RTCA: variants seen among roughly 807,000 people sequenced by gnomAD.
RTCA encodes the protein RNA 3'-terminal phosphate cyclase, also known as RNA terminal phosphate cyclase domain 1.
Under a neutral mutation model 46.1 loss-of-function variants are expected in RTCA, and 37 were observed. The ratio of observed to expected loss-of-function variants is 0.80; its 90% CI spans 0.62 to 1.06. The LOEUF is 1.06. RTCA is among the 50% of genes least tolerant of loss of function. The pLI is 0.00. For synonymous variants in RTCA, 164 were observed against 158.3 expected, an observed-to-expected ratio of 1.04 and a Z score of -0.27; for missense variants, 435 against 455.5, an observed-to-expected ratio of 0.95 and a Z score of 0.41.
chr1:100,267,982 G>T (rs745429973), intron 2 of RTCA, 170 bp from the exon 3 acceptor site: 8 of 751,444 alleles, frequency 1.1e-5, no homozygotes, highest in Non-Finnish European at 1.5e-5. Context: ...ATACTAGCAG[G>T]TAGTCTAGGT....
rs577313663 is a variant in RTCA, at chr1:100,278,244, C to A, written c.799+928C>A. 1.4e-4 allele frequency among the ~76,000 whole-genome samples: 21 copies of A among 152,226 alleles called. No homozygotes were observed. In the South Asian group the frequency reaches 4.1e-3, roughly 30 times the overall value. ...AGCTTTCATCCAGTGGTTTTAACATCTATTGATGATTCTTCTCTGCATCAG... is the reference window on the plus strand; with the variant it reads ...AGCTTTCATCCAGTGGTTTTAACATATATTGATGATTCTTCTCTGCATCAG... On this transcript the variant is annotated intron_variant, in intron 8 of 10. Transcript: ENST00000370128.
In RTCA at chr1:100,273,421, G is replaced by C. The variant is rs1162467890; in HGVS notation, c.442G>C (p.Gly148Arg). The C allele has an allele frequency of 6.3e-7, 1 of 1,584,066 alleles. No homozygotes were observed. Among genetic ancestry groups the C allele is most frequent in the Middle Eastern group, 1.7e-4 (1 of 5,984 alleles). Residue 148 changes from glycine (G) to arginine (R), a missense_variant, in exon 5 of 11, where the codon GGT becomes CGT. By Grantham distance (125) the Gly-to-Arg change is moderately radical. Coordinates refer to ENST00000370128, the MANE Select transcript of RTCA (RefSeq NM_003729.4). ...MVFKPIVEKF[G>R]FIFNCDIKTR... Reference sequence around the variant, plus strand: ...CTTCAAGCCAATTGTTGAAAAATTTGGTTTCATATTTAATTGTGACATTAA... The same window carrying C: ...CTTCAAGCCAATTGTTGAAAAATTTCGTTTCATATTTAATTGTGACATTAA...
At chr1:100,268,927 G>A (rs113325666) in intron 3 of RTCA, among the ~76,000 whole-genome samples, 5,029 of 151,868 alleles carry the variant, frequency 0.033, 298 homozygotes, top group African/African-American at 0.12. Context: ...GGTGGCTCAC[G>A]CCTGTAGTCC....
At chr1:100,277,400 T>C in intron 8 of RTCA, 84 bp downstream of exon 8, 1 of 1,186,124 alleles carries the variant, frequency 8.4e-7, no homozygotes, top group Admixed American at 2.5e-5. Flanking sequence ...TATAGAATGA[T>C]GGATGAAAGT....
intron 10 of RTCA, among the ~76,000 whole-genome samples, chr1:100,289,410 G>A (rs922984307): frequency 2.6e-5 from 4 of 152,082 alleles, no homozygotes; most frequent in South Asian, 2.1e-4. Context: ...CCCAAATGCC[G>A]TGATTACAGC....
At chr1:100,271,466 TA>T (rs991310010) in intron 4 of RTCA, among the ~76,000 whole-genome samples, 10 of 151,748 alleles carry the variant, frequency 6.6e-5, no homozygotes, top group African/African-American at 2.4e-4. Flanking sequence ...ATGCTGTCTT[TA>T]AAAAAACAAA....
In RTCA at chr1:100,266,243, G is replaced by A. The variant is rs1171384165; in HGVS notation, c.-133G>A. ...TGTCCCGAGAGGCGCCGCTTCTTCC[G>A]CTTTCTCGTCAGGCTCCTGCGCCCC... On this transcript the variant is annotated 5_prime_UTR_variant, in exon 1 of 11. Transcript: ENST00000370128. 4.6e-6 allele frequency: 5 copies of A among 1,093,844 alleles called. No individual in the cohort carries two copies. In the Admixed American group the frequency reaches 1.1e-4, roughly 24 times the overall value. 67.8% of individuals were successfully genotyped at this position (1,093,844 alleles called of 1,614,324 possible).
rs1281034048 is a variant in RTCA, at chr1:100,266,288, T to C, written c.-88T>C. The C allele has an allele frequency of 3.9e-6, 6 of 1,536,532 alleles. No homozygotes were observed. Among genetic ancestry groups the C allele is most frequent in the Non-Finnish European group, 5.3e-6 (6 of 1,133,788 alleles). On this transcript the variant is annotated 5_prime_UTR_variant, in exon 1 of 11. It removes the in-frame stop codon of an upstream open reading frame in the 5' UTR. Transcript: ENST00000370128. ...CGCCCCAGGCATGAACCAAGGTTTC[T>C]GAACTACTGGGCGGGAGCCAACGTC...
At chr1:100,268,441 G>A in intron 3 of RTCA, 146 bp downstream of exon 3, 1 of 679,478 alleles carries the variant, frequency 1.5e-6, no homozygotes, top group Non-Finnish European at 2.4e-6. Context: ...TCTTGCCCAG[G>A]CGGGGGTGCA....
rs1458210198 is a variant in RTCA at position 100,292,037 on chromosome 1, ACT to A, written c.*534_*535del. 6.8e-6 allele frequency: 1 copy of A among 147,428 alleles called. No homozygotes were observed. Among genetic ancestry groups the A allele is most frequent in the Non-Finnish European group, 1.5e-5 (1 of 67,828 alleles). 9.1% of individuals were successfully genotyped at this position (147,428 alleles called of 1,614,324 possible). A position where few individuals can be genotyped will look rare whatever the true frequency, so the allele number is the denominator to read the frequency against. On this transcript the variant is annotated 3_prime_UTR_variant, in exon 11 of 11. Transcript: ENST00000370128. Reference sequence around the variant, plus strand: ...CTGCCTCCCGGGTTCAAGCAATTCTACTGCCTCAGCTTCCTGAGTAGTTGGTA... The same window carrying A: ...CTGCCTCCCGGGTTCAAGCAATTCTAGCCTCAGCTTCCTGAGTAGTTGGTA...
At chr1:100,266,706 C>G in intron 2 of RTCA, 82 bp downstream of exon 2, 1 of 1,206,480 alleles carries the variant, frequency 8.3e-7, no homozygotes, top group Non-Finnish European at 1.2e-6. Flanking sequence ...ATCGGGAGTC[C>G]GAGTGGTGGA....
chr1:100,283,922 T>TAAAAAAAAAAAAAAAAAAAAAAAAAA (rs562483681), intron 8 of RTCA, among the ~76,000 whole-genome samples: 2 of 11,382 alleles, frequency 1.8e-4, no homozygotes, highest in Non-Finnish European at 3.4e-4. Flanking sequence ...ACCTAGTCGC[T>TAAAAAAAAAAAAAAAAAAAAAAAAAA]AAAAAAAAAA....
Position 100,270,559 on chromosome 1 carries a change from G to A in RTCA, c.293G>A (p.Ser98Asn). The A allele has an allele frequency of 6.2e-7, 1 of 1,613,920 alleles. No individual in the cohort carries two copies. The highest frequency in any genetic ancestry group is 8.5e-7 in the Non-Finnish European group (1 of 1,179,896). ...AGCCCCTTCTGCCTTCTCCTTAGGA[G>A]TGTGTGCCTCTTGATGCAGGTCTCA... Reference protein sequence around the residue: ...IHTADTKTAGSVCLLMQVSMP... With the variant: ...IHTADTKTAGNVCLLMQVSMP... Residue 98 changes from serine to asparagine, a missense_variant and splice_region_variant, in exon 4 of 11, where the codon AGT becomes AAT. Transcript: ENST00000370128.
At chr1:100,290,955 A>G (rs1461491327) in intron 10 of RTCA, among the ~76,000 whole-genome samples, 2 of 152,198 alleles carry the variant, frequency 1.3e-5, no homozygotes, top group Non-Finnish European at 2.9e-5. Flanking sequence ...CGATATATAT[A>G]GGGAACTAAA....
intron 9 of RTCA, 66 bp downstream of exon 9, chr1:100,285,388 T>G (rs939362100): frequency 9.5e-7 from 1 of 1,052,396 alleles, no homozygotes; most frequent in Non-Finnish European, 1.5e-6. Flanking sequence ...AGATTGAATA[T>G]CAATTTAAAT....
In RTCA at chr1:100,270,769, T is replaced by C; in HGVS notation, c.414+89T>C. On this transcript the variant is annotated intron_variant, in intron 4 of 10. Transcript: ENST00000370128. ...TAAATATATCCTGAGTGTTTTTTTG[T>C]GACTTTCTTGTTTATCTCTTCATGG... is the stretch of plus-strand genomic sequence containing the variant. The C allele has an allele frequency of 2.1e-6, 3 of 1,449,892 alleles. No homozygotes were observed. In the South Asian group the frequency reaches 4.0e-5, roughly 20 times the overall value. The allele number at this position is 1,449,892 out of a possible 1,614,324, so 89.8% of individuals were successfully genotyped here.
In RTCA at chr1:100,268,145, C is replaced by T. The variant is rs1665887761; in HGVS notation, c.147-7C>T. ...CACACGTTTTGATGCAGTATTATGA[C>T]CTGAAGGCCTCAACATTTATCTGGA... On this transcript the variant is annotated splice_polypyrimidine_tract_variant and splice_region_variant and intron_variant, in intron 2 of 10. Transcript: ENST00000370128. The T allele has an allele frequency of 1.2e-6, 2 of 1,613,684 alleles. No homozygotes were observed. Among genetic ancestry groups the T allele is most frequent in the Non-Finnish European group, 1.7e-6 (2 of 1,179,874 alleles).
chr1:100,283,922 T>TAAAAAAAAAAAA (rs562483681), intron 8 of RTCA, among the ~76,000 whole-genome samples: 4 of 11,366 alleles, frequency 3.5e-4, no homozygotes, highest in South Asian at 4.4e-3. Flanking sequence ...ACCTAGTCGC[T>TAAAAAAAAAAAA]AAAAAAAAAA....
Position 100,274,807 on chromosome 1 carries a change from T to G in RTCA, c.474-17T>G. 1 of 1,598,020 alleles carries G rather than the reference T, an allele frequency of 6.3e-7. No homozygotes were observed. The highest frequency in any genetic ancestry group is 1.1e-5 in the South Asian group (1 of 88,930). On this transcript the variant is annotated splice_polypyrimidine_tract_variant and intron_variant, in intron 5 of 10. Transcript: ENST00000370128. ...CATGCAATCAGTTTATGTGGGCATTTGTTATACTTTTCATAGGGGATATTA... is the reference window on the plus strand; with the variant it reads ...CATGCAATCAGTTTATGTGGGCATTGGTTATACTTTTCATAGGGGATATTA...
Sources: gnomAD v4.1 joint callset for allele counts (sites outside exome capture counted in the v4.1 genomes callset) on GRCh38, gnomAD v4.1.1 for gene constraint, MANE v1.5 for transcripts, NCBI Gene and HGNC (gene_info 2026-07-23, HGNC 2026-07-21) for gene names.